OR14A2: variants seen among roughly 807,000 people sequenced by gnomAD.
The protein encoded by OR14A2 is olfactory receptor family 14 subfamily A member 2, also known as olfactory receptor 14A2.
For missense variants in OR14A2, 237 were observed against 152.9 expected (o/e 1.55, Z -2.90); for synonymous variants, 114 against 58.6 (o/e 1.95, Z -4.32).
the OR14A2 span, among the ~76,000 whole-genome samples, chr1:247,741,261 A>G: frequency 1.3e-4 from 20 of 152,228 alleles, no homozygotes; most frequent in African/African-American, 4.1e-4. Flanking sequence ...TAACACAGAA[A>G]CTGGATTATC....
chr1:247,742,294 C>G, the OR14A2 span, among the ~76,000 whole-genome samples: 1 of 138,612 alleles, frequency 7.2e-6, no homozygotes, highest in Non-Finnish European at 1.6e-5. Flanking sequence ...ACACACACAC[C>G]ATGAAGTGGA....
the OR14A2 span, among the ~76,000 whole-genome samples, chr1:247,736,321 GAT>G: frequency 9.2e-5 from 14 of 152,050 alleles, no homozygotes; most frequent in Non-Finnish European, 1.8e-4. Flanking sequence ...AGCCTTCTTA[GAT>G]ACCCCTTGAT....
chr1:247,747,650 C>A, the OR14A2 span, among the ~76,000 whole-genome samples: 2 of 152,148 alleles, frequency 1.3e-5, no homozygotes, highest in African/African-American at 4.8e-5. Flanking sequence ...GCGTGAGGCA[C>A]CGCGCCCGGG....
the OR14A2 span, among the ~76,000 whole-genome samples, chr1:247,741,055 C>T: frequency 6.6e-6 from 1 of 152,108 alleles, no homozygotes; most frequent in African/African-American, 2.4e-5. Context: ...CCAAATTCTA[C>T]CCAAATATTA....
At chr1:247,729,080 A>G in the OR14A2 span, among the ~76,000 whole-genome samples, 12,990 of 152,158 alleles carry the variant, frequency 0.085, 737 homozygotes, top group African/African-American at 0.16. Context: ...ATTTGACATA[A>G]TTTGTAAACG....
the OR14A2 span, among the ~76,000 whole-genome samples, chr1:247,747,605 G>A: frequency 2.0e-5 from 3 of 151,890 alleles, no homozygotes; most frequent in East Asian, 1.9e-4. Flanking sequence ...CTCATGATCC[G>A]CCCGCCTCGG....
exon 1 of OR14A2, chr1:247,723,156 T>G (rs1369344641): frequency 1.4e-6 from 1 of 717,624 alleles, no homozygotes; most frequent in African/African-American, 1.7e-5. Context: ...TCAGAGCACA[T>G]TTCATGTCAT....
upstream of OR14A2, among the ~76,000 whole-genome samples, chr1:247,727,108 G>A (rs536845589): frequency 8.0e-5 from 12 of 150,678 alleles, no homozygotes; most frequent in South Asian, 4.2e-4. Flanking sequence ...CATTGAATCC[G>A]TAAATTACCT....
chr1:247,729,732 CA>C, the OR14A2 span, among the ~76,000 whole-genome samples: 5 of 152,012 alleles, frequency 3.3e-5, no homozygotes, highest in African/African-American at 1.2e-4. Flanking sequence ...AAAATACACA[CA>C]AAAACCCCAC....
the OR14A2 span, among the ~76,000 whole-genome samples, chr1:247,740,120 G>T: frequency 2.0e-5 from 3 of 152,194 alleles, no homozygotes; most frequent in Non-Finnish European, 4.4e-5. Context: ...CACATGCATT[G>T]CATGAGATTT....
the OR14A2 span, among the ~76,000 whole-genome samples, chr1:247,732,570 A>C: frequency 6.6e-6 from 1 of 152,168 alleles, no homozygotes; most frequent in Non-Finnish European, 1.5e-5. Flanking sequence ...GCATGGCCTT[A>C]CCAAATGACC....
the OR14A2 span, among the ~76,000 whole-genome samples, chr1:247,736,276 A>C: frequency 1.3e-5 from 2 of 152,124 alleles, no homozygotes; most frequent in South Asian, 4.2e-4. Context: ...GAAATGGTAA[A>C]GAAACATATA....
exon 1 of OR14A2, chr1:247,723,576 C>T (rs547988475): frequency 5.8e-5 from 42 of 718,270 alleles, no homozygotes; most frequent in African/African-American, 4.5e-4. Flanking sequence ...CAGCTGTGTA[C>T]GCAGTACCAA....
chr1:247,738,041 GA>G, the OR14A2 span, among the ~76,000 whole-genome samples: 2 of 151,874 alleles, frequency 1.3e-5, no homozygotes, highest in Non-Finnish European at 2.9e-5. Flanking sequence ...ACTAAAGAAA[GA>G]AAAAAATGAT....
the OR14A2 span, among the ~76,000 whole-genome samples, chr1:247,729,408 GTAATATAC>G: frequency 1.3e-5 from 2 of 152,036 alleles, no homozygotes; most frequent in African/African-American, 4.8e-5. Flanking sequence ...ACCAAGCTAT[GTAATATAC>G]TGTATAATAA....
the OR14A2 span, among the ~76,000 whole-genome samples, chr1:247,735,799 A>C: frequency 6.6e-6 from 1 of 152,174 alleles, no homozygotes; most frequent in African/African-American, 2.4e-5. Context: ...TGGGGTCTTG[A>C]AGCAGGAATC....
the OR14A2 span, among the ~76,000 whole-genome samples, chr1:247,731,039 A>G: frequency 1.3e-5 from 2 of 152,182 alleles, no homozygotes; most frequent in Non-Finnish European, 2.9e-5. Flanking sequence ...TAGCCCATAT[A>G]TGACCATGTC....
chr1:247,726,466 C>A (rs1420090827), upstream of OR14A2, among the ~76,000 whole-genome samples: 4 of 130,088 alleles, frequency 3.1e-5, no homozygotes, highest in Non-Finnish European at 4.8e-5. Context: ...CGAAAATTTT[C>A]TCCCATTTTG....
chr1:247,723,700 G>A (rs11204577), exon 1 of OR14A2: 16,201 of 718,540 alleles, frequency 0.023, 809 homozygotes, highest in African/African-American at 0.14. Flanking sequence ...ATAGGACATG[G>A]CAGTGAGGAT....
Sources: allele counts gnomAD v4.1 joint callset (sites outside exome capture counted in the v4.1 genomes callset), GRCh38; gene constraint gnomAD v4.1.1; transcripts MANE v1.5; gene names NCBI Gene and HGNC (gene_info 2026-07-23, HGNC 2026-07-21).